Variants in ZFPM2 observed in about 807,000 individuals in gnomAD.
The protein encoded by ZFPM2 is zinc finger protein ZFPM2.
Under a neutral mutation model 98.6 loss-of-function variants are expected in ZFPM2, and 20 were observed. The observed-to-expected ratio is 0.20, with a 90% CI of 0.14 to 0.29. ZFPM2 has a LOEUF of 0.29. Ranked by LOEUF, ZFPM2 falls within the 10% of genes least tolerant of loss-of-function variation. The probability of loss-of-function intolerance (pLI) is 1.00; values close to 1 mark genes in which losing one functional copy is unlikely to be tolerated. For missense variants in ZFPM2, 1,310 were observed against 1,388.6 expected, an observed-to-expected ratio of 0.94 and a Z score of 0.90; for synonymous variants, 518 against 502.7, an observed-to-expected ratio of 1.03 and a Z score of -0.41.
chr8:105,646,030 AAC>A (rs925957733), intron 5 of ZFPM2, among the ~76,000 whole-genome samples: 34 of 148,364 alleles, frequency 2.3e-4, no homozygotes, highest in African/African-American at 8.0e-4. Context: ...TCCACCTGGC[AAC>A]AGAGTGAGAC....
At chr8:105,558,399 T>C (rs1473221092) in intron 3 of ZFPM2, among the ~76,000 whole-genome samples, 2 of 152,194 alleles carry the variant, frequency 1.3e-5, no homozygotes, top group South Asian at 2.1e-4. Flanking sequence ...TTCTTGCTTG[T>C]CTAGTAAAGT....
At chr8:105,721,203 A>G (rs1007620087) in intron 5 of ZFPM2, among the ~76,000 whole-genome samples, 1 of 151,888 alleles carries the variant, frequency 6.6e-6, no homozygotes, top group African/African-American at 2.4e-5. Flanking sequence ...ACGTATAGAC[A>G]AATTTCACAT....
chr8:105,377,613 A>C lies in ZFPM2; in HGVS notation c.41-41531A>C, dbSNP rs1174573622. On this transcript the variant is annotated intron_variant, in intron 1 of 7. Coordinates refer to ENST00000407775, the MANE Select transcript of ZFPM2 (RefSeq NM_012082.4). Reference sequence around the variant, plus strand: ...CCCGTTTTTCTTAAAAATCCAAAAAAAAAAAAAAAAAAAAAAAAAAGCCAG... The same window carrying C: ...CCCGTTTTTCTTAAAAATCCAAAAACAAAAAAAAAAAAAAAAAAAAGCCAG... 4.9e-5 allele frequency among the ~76,000 whole-genome samples: 7 copies of C among 144,214 alleles called. 1 individual carries two copies. The highest frequency in any genetic ancestry group is 1.3e-4 in the African/African-American group (5 of 39,754). 94.6% of individuals were successfully genotyped at this position (144,214 alleles called of 152,430 possible).
intron 3 of ZFPM2, among the ~76,000 whole-genome samples, chr8:105,450,692 A>G (rs1236714073): frequency 1.3e-5 from 2 of 151,860 alleles, no homozygotes; most frequent in African/African-American, 4.8e-5. Context: ...TGAGGCAGAG[A>G]GGAATGTGTG....
At chr8:105,330,547 T>A (rs1443605609) in intron 1 of ZFPM2, among the ~76,000 whole-genome samples, 20 of 70,526 alleles carry the variant, frequency 2.8e-4, no homozygotes, top group African/African-American at 1.0e-3. Flanking sequence ...TCTATATATA[T>A]ATATACATAT....
At chr8:105,775,227 A>G (rs1005785943) in intron 5 of ZFPM2, among the ~76,000 whole-genome samples, 2 of 152,138 alleles carry the variant, frequency 1.3e-5, no homozygotes, top group African/African-American at 4.8e-5. Context: ...GGAGAAAGAA[A>G]GAAATTAGAA....
rs114316492 is a variant in ZFPM2, at chr8:105,319,241, G to A, written c.40+260G>A. Among the ~76,000 whole-genome samples, 1,217 of 152,310 alleles carry A rather than the reference G, an allele frequency of 8.0e-3. 14 individuals carry two copies. Among genetic ancestry groups the A allele is most frequent in the African/African-American group, 0.028 (1,179 of 41,594 alleles). On this transcript the variant is annotated intron_variant, in intron 1 of 7. Coordinates refer to ENST00000407775, the MANE Select transcript of ZFPM2 (RefSeq NM_012082.4). ...CGCTCAGCCCTCGCGCTCCCGGGCTGCTTTTTTAATTCCGACCCGCGCACG... is the reference window on the plus strand; with the variant it reads ...CGCTCAGCCCTCGCGCTCCCGGGCTACTTTTTTAATTCCGACCCGCGCACG...
intron 3 of ZFPM2, among the ~76,000 whole-genome samples, chr8:105,538,094 T>C (rs1361192828): frequency 3.9e-5 from 6 of 152,160 alleles, no homozygotes; most frequent in Admixed American, 2.0e-4. Context: ...ATTATATTCT[T>C]AATAGTTTTG....
intron 5 of ZFPM2, among the ~76,000 whole-genome samples, chr8:105,720,717 A>G (rs1015035664): frequency 1.3e-5 from 2 of 151,916 alleles, no homozygotes; most frequent in Non-Finnish European, 1.5e-5. Context: ...CCCCGAGACA[A>G]TCATCTCACT....
chr8:105,415,568 A>G (rs1709689400), intron 1 of ZFPM2, among the ~76,000 whole-genome samples: 1 of 152,042 alleles, frequency 6.6e-6, no homozygotes, highest in African/African-American at 2.4e-5. Flanking sequence ...CCACTAATCC[A>G]TACACAGGAG....
intron 5 of ZFPM2, among the ~76,000 whole-genome samples, chr8:105,764,284 T>A (rs1218979218): frequency 8.5e-6 from 1 of 118,208 alleles, no homozygotes; most frequent in Non-Finnish European, 1.7e-5. Flanking sequence ...TCTCTCTCTC[T>A]CTGACACACA....
chr8:105,732,874 T>A (rs539658091), intron 5 of ZFPM2, among the ~76,000 whole-genome samples: 23 of 151,956 alleles, frequency 1.5e-4, no homozygotes, highest in African/African-American at 5.3e-4. Flanking sequence ...GTTCATTATC[T>A]TTGATACCAA....
At chr8:105,700,739 C>T (rs1811122334) in intron 5 of ZFPM2, among the ~76,000 whole-genome samples, 1 of 151,802 alleles carries the variant, frequency 6.6e-6, no homozygotes, top group Non-Finnish European at 1.5e-5. Context: ...GGGATTACAG[C>T]CGCGCACCAC....
At chr8:105,798,318 C>G (rs1023324263) in intron 6 of ZFPM2, 2 of 156,638 alleles carry the variant, frequency 1.3e-5, no homozygotes, top group Non-Finnish European at 2.8e-5. Context: ...GGCGTGGTGG[C>G]ACTCACCTGT....
At chr8:105,495,575 T>A (rs1382415696) in intron 3 of ZFPM2, among the ~76,000 whole-genome samples, 1 of 152,204 alleles carries the variant, frequency 6.6e-6, no homozygotes, top group Non-Finnish European at 1.5e-5. Context: ...CTTATAAATA[T>A]CCATAGGTAG....
chr8:105,530,459 G>C (rs1814271874), intron 3 of ZFPM2, among the ~76,000 whole-genome samples: 1 of 152,156 alleles, frequency 6.6e-6, no homozygotes, highest in Non-Finnish European at 1.5e-5. Context: ...CAGATCGGGA[G>C]GCTAGAAGTC....
At chr8:105,659,041 A>G (rs1817341238) in intron 5 of ZFPM2, among the ~76,000 whole-genome samples, 2 of 152,232 alleles carry the variant, frequency 1.3e-5, no homozygotes, top group Admixed American at 1.3e-4. Context: ...GATGGATCTT[A>G]AAGGAATGTG....
At chr8:105,350,242 G>A (rs1333220224) in intron 1 of ZFPM2, among the ~76,000 whole-genome samples, 1 of 152,126 alleles carries the variant, frequency 6.6e-6, no homozygotes, top group Non-Finnish European at 1.5e-5. Context: ...TTGCCCAGAG[G>A]CTAAAGGCAG....
chr8:105,329,851 T>C (rs1338646747), intron 1 of ZFPM2, among the ~76,000 whole-genome samples: 2 of 151,808 alleles, frequency 1.3e-5, no homozygotes, highest in Non-Finnish European at 1.5e-5. Flanking sequence ...TTGCTGAACT[T>C]GAATCTTGTT....
Sources: allele counts gnomAD v4.1 joint callset (sites outside exome capture counted in the v4.1 genomes callset), GRCh38; gene constraint gnomAD v4.1.1; transcripts MANE v1.5; gene names NCBI Gene and HGNC (gene_info 2026-07-23, HGNC 2026-07-21).